Variants in ZNF521 observed in about 807,000 individuals in gnomAD.
ZNF521 encodes the protein zinc finger protein 521.
Under a neutral mutation model 105.5 loss-of-function variants are expected in ZNF521, and 14 were observed. That is an observed-to-expected ratio of 0.13 (90% CI 0.09 to 0.21). The LOEUF is 0.21. Ranked by LOEUF, ZNF521 falls within the 10% of genes least tolerant of loss-of-function variation. ZNF521 has a pLI of 1.00. For synonymous variants in ZNF521, 635 were observed against 606.0 expected (o/e 1.05, Z -0.70); for missense variants, 1,233 against 1,629.7 (o/e 0.76, Z 4.19).
Position 25,062,539 on chromosome 18 carries a change from G to T in ZNF521, c.*173C>A. 2.5e-6 allele frequency: 2 copies of T among 797,830 alleles called. No homozygotes were observed. Among genetic ancestry groups the T allele is most frequent in the Non-Finnish European group, 4.0e-6 (2 of 498,628 alleles). 49.4% of individuals were successfully genotyped at this position (797,830 alleles called of 1,614,324 possible). A position where few individuals can be genotyped will look rare whatever the true frequency, so the allele number is the denominator to read the frequency against. Reference sequence around the variant, plus strand: ...CACTTTATATACAAGGGGTCTATCCGGTGCGCAAAAGTTCAAACACATGAA... The same window carrying T: ...CACTTTATATACAAGGGGTCTATCCTGTGCGCAAAAGTTCAAACACATGAA... On this transcript the variant is annotated 3_prime_UTR_variant, in exon 8 of 8. Transcript: ENST00000361524.
intron 3 of ZNF521, among the ~76,000 whole-genome samples, chr18:25,256,444 A>G (rs2144872927): frequency 6.6e-6 from 1 of 152,262 alleles, no homozygotes; most frequent in East Asian, 1.9e-4. Flanking sequence ...GTTACAAAAC[A>G]TAAGCAAATA....
chr18:25,101,207 G>A (rs577683445), intron 5 of ZNF521, among the ~76,000 whole-genome samples: 23 of 152,128 alleles, frequency 1.5e-4, no homozygotes, highest in Non-Finnish European at 2.9e-4. Context: ...GGTTAGAACT[G>A]TGTGGGTCCA....
chr18:25,197,419 C>T (rs1057029298), intron 4 of ZNF521, among the ~76,000 whole-genome samples: 9 of 151,806 alleles, frequency 5.9e-5, no homozygotes, highest in African/African-American at 2.2e-4. Flanking sequence ...CTTTTTAAAG[C>T]CATGATGTAA....
chr18:25,298,362 C>A (rs1265471630), intron 3 of ZNF521, among the ~76,000 whole-genome samples: 1 of 152,160 alleles, frequency 6.6e-6, no homozygotes, highest in East Asian at 1.9e-4. Context: ...TGTATTTCGG[C>A]ATGTGGACTG....
At chr18:25,199,509 T>C (rs2035957050) in intron 4 of ZNF521, among the ~76,000 whole-genome samples, 2 of 151,992 alleles carry the variant, frequency 1.3e-5, no homozygotes, top group Admixed American at 1.3e-4. Context: ...ATTGGGGTCA[T>C]GTGGGTAAAC....
chr18:25,182,260 C>T (rs1239610674), intron 5 of ZNF521, among the ~76,000 whole-genome samples: 1 of 152,178 alleles, frequency 6.6e-6, no homozygotes, highest in African/African-American at 2.4e-5. Context: ...AAAGTTCTCT[C>T]TTCACAGATG....
intron 5 of ZNF521, among the ~76,000 whole-genome samples, chr18:25,170,250 C>A (rs2035423596): frequency 6.6e-6 from 1 of 151,936 alleles, no homozygotes; most frequent in Non-Finnish European, 1.5e-5. Context: ...CTTCACTAAC[C>A]TGAAATGTCA....
At chr18:25,121,620 T>C (rs1398290003) in intron 5 of ZNF521, among the ~76,000 whole-genome samples, 5 of 151,928 alleles carry the variant, frequency 3.3e-5, no homozygotes, top group Non-Finnish European at 5.9e-5. Context: ...CCCAGCAGAG[T>C]GACCACCATC....
At position 25,328,447 on chromosome 18, in the gene ZNF521, A is replaced by G. The variant is rs545459540; in HGVS notation, c.41-6260T>C. Among the ~76,000 whole-genome samples, 31 of 143,818 alleles carry G rather than the reference A, an allele frequency of 2.2e-4. No homozygotes were observed. In the East Asian group the frequency reaches 4.9e-3, roughly 23 times the overall value. 94.4% of individuals were successfully genotyped at this position (143,818 alleles called of 152,430 possible). A position where few individuals can be genotyped will look rare whatever the true frequency, so the allele number is the denominator to read the frequency against. ...CACACACACACACACACACACACAC[A>G]CGCATTCACTTTCACACTTTGCAAC... On this transcript the variant is annotated intron_variant, in intron 2 of 7. Coordinates refer to ENST00000361524, the MANE Select transcript of ZNF521 (RefSeq NM_015461.3).
At chr18:25,176,446 T>C (rs1158508845) in intron 5 of ZNF521, among the ~76,000 whole-genome samples, 1 of 152,220 alleles carries the variant, frequency 6.6e-6, no homozygotes, top group African/African-American at 2.4e-5. Context: ...AACTGTGATA[T>C]GCAAAAACTC....
intron 7 of ZNF521, among the ~76,000 whole-genome samples, chr18:25,065,995 G>T (rs555479323): frequency 3.3e-5 from 5 of 152,332 alleles, no homozygotes; most frequent in Non-Finnish European, 7.3e-5. Flanking sequence ...TGTGAGAAGG[G>T]CAAGGGTATG....
chr18:25,260,149 A>AAT (rs1211590902), intron 3 of ZNF521, among the ~76,000 whole-genome samples: 62 of 152,356 alleles, frequency 4.1e-4, no homozygotes, highest in African/African-American at 1.3e-3. Flanking sequence ...GTAAATGCCA[A>AAT]GGTCTTCTGA....
intron 5 of ZNF521, among the ~76,000 whole-genome samples, chr18:25,150,339 C>A (rs969622428): frequency 6.6e-6 from 1 of 152,134 alleles, no homozygotes; most frequent in Admixed American, 6.6e-5. Context: ...GTGTATACTG[C>A]TTCGGTGATG....
At chr18:25,311,756 T>C (rs533655417) in intron 3 of ZNF521, among the ~76,000 whole-genome samples, 74 of 152,350 alleles carry the variant, frequency 4.9e-4, no homozygotes, top group African/African-American at 1.8e-3. Context: ...TTTACAATTT[T>C]TGGCAAATGA....
intron 5 of ZNF521, among the ~76,000 whole-genome samples, chr18:25,161,312 C>T (rs535007126): frequency 6.6e-6 from 1 of 152,176 alleles, no homozygotes; most frequent in African/African-American, 2.4e-5. Flanking sequence ...TTAAGTTGTT[C>T]TAAGGCAATT....
intron 2 of ZNF521, 44 bp downstream of exon 2, chr18:25,350,863 A>C (rs1303759424): frequency 1.9e-6 from 3 of 1,538,716 alleles, no homozygotes; most frequent in Non-Finnish European, 2.6e-6. Flanking sequence ...CCACAGTGAC[A>C]CTCGCGGATG....
chr18:25,101,063 T>TA (rs1432136836), intron 5 of ZNF521, among the ~76,000 whole-genome samples: 1 of 152,184 alleles, frequency 6.6e-6, no homozygotes, highest in Non-Finnish European at 1.5e-5. Context: ...CAGATATCAG[T>TA]AAATAGCTGG....
intron 3 of ZNF521, among the ~76,000 whole-genome samples, chr18:25,266,724 A>ACTGCACT (rs1909282603): frequency 1.3e-5 from 2 of 152,108 alleles, no homozygotes; most frequent in South Asian, 4.1e-4. Flanking sequence ...CGGCCCAGAT[A>ACTGCACT]CTGCACTTTT....
At chr18:25,289,998 T>C (rs756229666) in intron 3 of ZNF521, among the ~76,000 whole-genome samples, 1 of 152,070 alleles carries the variant, frequency 6.6e-6, no homozygotes, top group Non-Finnish European at 1.5e-5. Context: ...TCGGCATAAA[T>C]ACAGTGCAAA....
Sources: allele counts gnomAD v4.1 joint callset (sites outside exome capture counted in the v4.1 genomes callset), GRCh38; gene constraint gnomAD v4.1.1; transcripts MANE v1.5; gene names NCBI Gene and HGNC (gene_info 2026-07-23, HGNC 2026-07-21).